PRRC2B: variants seen among roughly 807,000 people sequenced by gnomAD.
The protein encoded by PRRC2B is proline rich coiled-coil 2B.
Under a neutral mutation model 242.3 loss-of-function variants are expected in PRRC2B, and 68 were observed. That is an observed-to-expected ratio of 0.28 (90% CI 0.23 to 0.34). PRRC2B has a LOEUF of 0.34. Ranked by LOEUF, PRRC2B falls within the 10% of genes least tolerant of loss-of-function variation. The pLI is 1.00. For synonymous variants in PRRC2B, 1,228 were observed against 1,173.6 expected (o/e 1.05, Z -0.95); for missense variants, 2,835 against 2,954.8 (o/e 0.96, Z 0.94).
At chr9:131,391,313 C>T (rs899120875), upstream of PRRC2B, among the ~76,000 whole-genome samples, 6 of 152,046 alleles carry the variant, frequency 3.9e-5, no homozygotes, top group African/African-American at 1.2e-4. Flanking sequence ...CATTTCTGGG[C>T]GTGAGGTCCT....
At chr9:131,444,630 T>G (rs923184484) in intron 6 of PRRC2B, among the ~76,000 whole-genome samples, 5 of 152,168 alleles carry the variant, frequency 3.3e-5, no homozygotes, top group African/African-American at 7.2e-5. Flanking sequence ...ACCAATTAAC[T>G]TAGGTCCCCG....
At chr9:131,416,110 C>T (rs2131303112) in intron 1 of PRRC2B, among the ~76,000 whole-genome samples, 1 of 148,716 alleles carries the variant, frequency 6.7e-6, no homozygotes, top group Middle Eastern at 3.4e-3. Flanking sequence ...GTTTTCTTTT[C>T]TTTCTTTTTT....
chr9:131,481,682 G>T, intron 19 of PRRC2B, 44 bp from the exon 20 acceptor site: 1 of 1,438,168 alleles, frequency 7.0e-7, no homozygotes, highest in Non-Finnish European at 9.6e-7. Context: ...CTCTCTAGAC[G>T]GGTTGCTCTT....
At chr9:131,397,265 C>T (rs1347529233) in intron 1 of PRRC2B, among the ~76,000 whole-genome samples, 4 of 152,204 alleles carry the variant, frequency 2.6e-5, no homozygotes, top group Non-Finnish European at 5.9e-5. Context: ...CATGCCCTTG[C>T]CTTAGGCCCT....
At chr9:131,385,152 CAT>C (rs1836811170) in intron 1 of PRRC2B, among the ~76,000 whole-genome samples, 11 of 150,150 alleles carry the variant, frequency 7.3e-5, no homozygotes, top group Admixed American at 3.4e-4. Flanking sequence ...GGATTACAGG[CAT>C]GAGCTACACC....
At chr9:131,423,200 G>A (rs1426047585) in intron 1 of PRRC2B, among the ~76,000 whole-genome samples, 2 of 152,200 alleles carry the variant, frequency 1.3e-5, no homozygotes, top group African/African-American at 2.4e-5. Flanking sequence ...GCTAACCTGC[G>A]AGGACTTGGT....
chr9:131,417,652 G>A (rs943618293), intron 1 of PRRC2B, among the ~76,000 whole-genome samples: 67 of 152,114 alleles, frequency 4.4e-4, no homozygotes, highest in African/African-American at 1.5e-3. Flanking sequence ...TGGGTTCTTC[G>A]CTGTTTTCAT....
chr9:131,469,280 G>A (rs896019474), intron 13 of PRRC2B, among the ~76,000 whole-genome samples: 2 of 152,196 alleles, frequency 1.3e-5, no homozygotes, highest in Non-Finnish European at 2.9e-5. Flanking sequence ...GTTGCAGTGA[G>A]CCGTGGTCGC....
chr9:131,453,452 G>T (rs1277691638), intron 9 of PRRC2B, among the ~76,000 whole-genome samples: 11 of 151,858 alleles, frequency 7.2e-5, no homozygotes, highest in Admixed American at 5.9e-4. Flanking sequence ...TGCCCATGCT[G>T]GTCTTAAACT....
chr9:131,493,309 G>A (rs771197010), intron 30 of PRRC2B, among the ~76,000 whole-genome samples: 77 of 151,820 alleles, frequency 5.1e-4, no homozygotes, highest in African/African-American at 1.2e-3. Flanking sequence ...AGTACGTTTC[G>A]TTTTCCTACC....
chr9:131,428,798 G>C (rs1452095923), intron 1 of PRRC2B, among the ~76,000 whole-genome samples: 1 of 152,210 alleles, frequency 6.6e-6, no homozygotes, highest in African/African-American at 2.4e-5. Flanking sequence ...CTGAGTAGCT[G>C]GGATTATAGG....
At chr9:131,406,094 G>A (rs1315112527) in intron 1 of PRRC2B, among the ~76,000 whole-genome samples, 1 of 151,918 alleles carries the variant, frequency 6.6e-6, no homozygotes, top group Non-Finnish European at 1.5e-5. Context: ...AGCCCTCCCC[G>A]GGGGCCCGGG....
chr9:131,422,349 C>T (rs186200970), intron 1 of PRRC2B, among the ~76,000 whole-genome samples: 115 of 152,284 alleles, frequency 7.6e-4, no homozygotes, highest in Middle Eastern at 3.4e-3. Flanking sequence ...CACCCGCATC[C>T]TGCCGGGTGT....
rs1943905825 is a variant in PRRC2B at position 131,482,751 on chromosome 9, A to G, written c.5217A>G (p.Pro1739=). The change falls in exon 22 of 32, where the codon CCA becomes CCG. Residue 1739 remains proline, a synonymous_variant. Transcript: ENST00000683519. This position sits in a 1 kb window ranked among gnomAD's most constrained non-coding sequence, Gnocchi z 5.2. ...QGSGQSKEHR[P]GPIGNERSLK... is the part of the protein sequence containing the mutation. The stretch of plus-strand genomic sequence containing the variant: ...CTGGACAGAGCAAGGAGCACAGACC[A>G]GGACCCATCGGCAACGAGCGTTCTC... 1 of 1,611,786 alleles carries G rather than the reference A, an allele frequency of 6.2e-7. No individual in the cohort carries two copies.
In PRRC2B at chr9:131,480,325, G is replaced by A. The variant is rs575971211; in HGVS notation, c.4900+932G>A. Among the ~76,000 whole-genome samples the A allele has an allele frequency of 3.3e-5, 5 of 152,280 alleles. No individual in the cohort carries two copies. In the South Asian group the frequency reaches 1.0e-3, roughly 32 times the overall value. ...CAAACTACAAAATAACATTCAACAT[G>A]CCCAGCTTTGATGGAAAGGAAGCAC... is the stretch of plus-strand genomic sequence containing the variant. On this transcript the variant is annotated intron_variant, in intron 19 of 31. Coordinates refer to ENST00000683519, the MANE Select transcript of PRRC2B (RefSeq NM_013318.4).
At chr9:131,380,043 AGTGCAGTG>A (rs1022571620) in intron 1 of PRRC2B, among the ~76,000 whole-genome samples, 1 of 143,528 alleles carries the variant, frequency 7.0e-6, no homozygotes, top group African/African-American at 2.6e-5. Context: ...CCCAGGCTGG[AGTGCAGTG>A]GTGCAATCTT....
chr9:131,430,981 G>A (rs1424970769), intron 2 of PRRC2B, among the ~76,000 whole-genome samples: 4 of 146,738 alleles, frequency 2.7e-5, no homozygotes, highest in Non-Finnish European at 6.0e-5. Context: ...ACACAGTTTC[G>A]CTCTTATTGC....
In PRRC2B at chr9:131,481,827, C is replaced by T. The variant is rs377259849; in HGVS notation, c.4983+19C>T. The T allele has an allele frequency of 2.5e-4, 382 of 1,543,718 alleles. No homozygotes were observed. The highest frequency in any genetic ancestry group is 3.0e-4 in the Non-Finnish European group (340 of 1,145,948). ...TGCGGAGGTGAGTGTGGCCGCTGCC[C>T]ACATGCTGCCCCTGGGATGAGTGTG... On this transcript the variant is annotated intron_variant, in intron 20 of 31. Coordinates refer to ENST00000683519, the MANE Select transcript of PRRC2B (RefSeq NM_013318.4).
chr9:131,446,559 G>GC lies in PRRC2B; in HGVS notation c.773dup (p.Gln259SerfsTer22). On this transcript the variant is annotated frameshift_variant, in exon 7 of 32. Coordinates refer to ENST00000683519, the MANE Select transcript of PRRC2B (RefSeq NM_013318.4). LOFTEE classifies it high-confidence loss of function. The surrounding 1 kb of genome is among the most constrained non-coding windows in gnomAD (Gnocchi z 4.1). ...TTCTAAGGACCCCTCTCTCCGCCCG[G>GC]CTCAGCCTGTCCGAAAAGGGGCTTC... is the stretch of plus-strand genomic sequence containing the variant. 9.9e-6 allele frequency: 16 copies of GC among 1,613,860 alleles called. No individual in the cohort carries two copies. Among genetic ancestry groups the GC allele is most frequent in the Non-Finnish European group, 1.4e-5 (16 of 1,179,848 alleles).
Sources: gnomAD v4.1 joint callset for allele counts (sites outside exome capture counted in the v4.1 genomes callset) on GRCh38, gnomAD v4.1.1 for gene constraint, Gnocchi (gnomAD v3.1) non-coding constraint, MANE v1.5 for transcripts, NCBI Gene and HGNC (gene_info 2026-07-23, HGNC 2026-07-21) for gene names.